MYO9B: variants seen among roughly 807,000 people sequenced by gnomAD.
MYO9B encodes myosin IXB, also known as unconventional myosin-IXb.
A neutral mutation model predicts 229.5 loss-of-function variants in MYO9B; 71 were observed. The observed-to-expected ratio is 0.31, with a 90% CI of 0.26 to 0.38. MYO9B has a LOEUF of 0.38. Among genes scored for constraint, MYO9B ranks in the 10% least tolerant of loss-of-function variants. MYO9B has a pLI of 1.00. For synonymous variants in MYO9B, 1,185 were observed against 1,235.8 expected (o/e 0.96, Z 0.86); for missense variants, 2,255 against 2,920.5 (o/e 0.77, Z 5.25).
chr19:17,120,889 G>GGATTGCAAA (rs1335462175), intron 2 of MYO9B, among the ~76,000 whole-genome samples: 4 of 152,150 alleles, frequency 2.6e-5, no homozygotes, highest in African/African-American at 9.7e-5. Context: ...TGAAGCAGGA[G>GGATTGCAAA]GATTGCAAAG....
intron 18 of MYO9B, 75 bp downstream of exon 18, chr19:17,186,076 G>C: frequency 7.3e-7 from 1 of 1,360,668 alleles, no homozygotes; most frequent in African/African-American, 1.4e-5. Context: ...CCTGCATCCA[G>C]CCCCAGCCTC....
At chr19:17,169,225 A>G (rs1324628452) in intron 11 of MYO9B, among the ~76,000 whole-genome samples, 1 of 151,866 alleles carries the variant, frequency 6.6e-6, no homozygotes, top group Non-Finnish European at 1.5e-5. Flanking sequence ...TACAAAAATT[A>G]GCCGGGCATG....
At chr19:17,152,445 AC>A (rs2072488371) in intron 3 of MYO9B, 198 bp from the exon 4 acceptor site, 1 of 461,966 alleles carries the variant, frequency 2.2e-6, no homozygotes, top group Non-Finnish European at 3.9e-6. Context: ...TGTAGTTCCA[AC>A]CAACCACTGT....
At chr19:17,100,756 T>A (rs10423712) in intron 1 of MYO9B, among the ~76,000 whole-genome samples, 111,647 of 151,678 alleles carry the variant, frequency 0.74, 41,569 homozygotes, top group African/African-American at 0.82. Context: ...TCCCCAGTAG[T>A]CTGGAGTTGT....
chr19:17,124,498 G>C (rs180856866), intron 2 of MYO9B, among the ~76,000 whole-genome samples: 11 of 152,100 alleles, frequency 7.2e-5, no homozygotes, highest in Admixed American at 5.9e-4. Context: ...ACAGCTGGGC[G>C]TGGGGGCTCA....
intron 2 of MYO9B, among the ~76,000 whole-genome samples, chr19:17,103,084 C>T (rs1445250766): frequency 3.3e-5 from 5 of 149,928 alleles, no homozygotes; most frequent in Non-Finnish European, 5.9e-5. Flanking sequence ...TACCGAAGTG[C>T]GGTGGCACAC....
At chr19:17,126,436 C>T (rs2058019900) in intron 2 of MYO9B, among the ~76,000 whole-genome samples, 1 of 152,298 alleles carries the variant, frequency 6.6e-6, no homozygotes, top group Admixed American at 6.5e-5. Context: ...AGAACAGCGG[C>T]CCCTGGCCAC....
chr19:17,141,741 T>C (rs1457481728), intron 2 of MYO9B, among the ~76,000 whole-genome samples: 2 of 152,082 alleles, frequency 1.3e-5, no homozygotes, highest in Non-Finnish European at 2.9e-5. Flanking sequence ...CTGGACAGAG[T>C]GTAGGTGTCC....
intron 2 of MYO9B, chr19:17,103,422 C>G (rs1164013514): frequency 2.0e-5 from 3 of 152,222 alleles, no homozygotes; most frequent in African/African-American, 7.2e-5. Flanking sequence ...CGGGGAGAGG[C>G]AGGAAACTTT....
intron 2 of MYO9B, among the ~76,000 whole-genome samples, chr19:17,132,993 G>A (rs1299289459): frequency 2.0e-5 from 3 of 151,672 alleles, no homozygotes; most frequent in African/African-American, 4.8e-5. Flanking sequence ...AACTACAGGC[G>A]CCGCCACCAC....
At chr19:17,112,532 C>A (rs2057857603) in intron 2 of MYO9B, among the ~76,000 whole-genome samples, 2 of 152,156 alleles carry the variant, frequency 1.3e-5, no homozygotes, top group Non-Finnish European at 2.9e-5. Context: ...CTGGGAGCAA[C>A]CCCAGCCGCG....
Position 17,192,767 on chromosome 19 carries a change from C to A in MYO9B, c.2833C>A (p.Arg945=). The change falls in exon 21 of 40, where the codon CGG becomes AGG. Residue 945 remains arginine, a synonymous_variant. Transcript: ENST00000682292. ...CCAGGTCTTCCTGAAGGAGACGGAG[C>A]GGCAAGCCCTGCAGGAGACGCTGCA... is the stretch of plus-strand genomic sequence containing the variant. ...KTKVFLKETE[R]QALQETLHRE... 6.5e-7 allele frequency: 1 copy of A among 1,549,602 alleles called. No homozygotes were observed. Among genetic ancestry groups the A allele is most frequent in the African/African-American group, 1.4e-5 (1 of 73,334 alleles).
Position 17,172,253 on chromosome 19 carries a change from C to A in MYO9B, c.1794-83C>A. 1 of 1,555,170 alleles carries A rather than the reference C, an allele frequency of 6.4e-7. No individual in the cohort carries two copies. The highest frequency in any genetic ancestry group is 1.2e-5 in the South Asian group (1 of 82,226). The stretch of plus-strand genomic sequence containing the variant: ...ACCCCATGCACCCACCCACCTCGTG[C>A]ACCAGGGGTCTGCAAGATAAAATAC... On this transcript the variant is annotated intron_variant, in intron 11 of 39. Transcript: ENST00000682292. This position sits in a 1 kb window ranked among gnomAD's most constrained non-coding sequence, Gnocchi z 8.2.
In MYO9B at chr19:17,195,314, A is replaced by C; in HGVS notation, c.3887A>C (p.Gln1296Pro). ...EKPDSPGGST[Q>P]IQRYLDAERL... Reference sequence around the variant, plus strand: ...CCCGACAGCCCCGGAGGCTCCACGCAGATCCAGCGGTACCTGGACGCCGAG... The same window carrying C: ...CCCGACAGCCCCGGAGGCTCCACGCCGATCCAGCGGTACCTGGACGCCGAG... The change falls in exon 22 of 40, where the codon CAG becomes CCG. Residue 1296 changes from glutamine (Q) to proline (P), a missense_variant. Coordinates refer to ENST00000682292, the MANE Select transcript of MYO9B (RefSeq NM_004145.4). This position sits in a 1 kb window ranked among gnomAD's most constrained non-coding sequence, Gnocchi z 4.5. 1 of 1,612,546 alleles carries C rather than the reference A, an allele frequency of 6.2e-7. No individual in the cohort carries two copies. The highest frequency in any genetic ancestry group is 8.5e-7 in the Non-Finnish European group (1 of 1,179,734).
chr19:17,170,207 TTTTTAGAAGGACACCATCCA>T (rs1283696743), intron 11 of MYO9B, among the ~76,000 whole-genome samples: 1 of 151,946 alleles, frequency 6.6e-6, no homozygotes, highest in Non-Finnish European at 1.5e-5. Flanking sequence ...CTGTCTTCTG[TTTTTAGAAGGACACCATCCA>T]TATGGAACTA....
At chr19:17,188,084 G>T (rs3826689) in intron 19 of MYO9B, 39 bp downstream of exon 19, 674,763 of 1,511,012 alleles carry the variant, frequency 0.45, 159,606 homozygotes, top group African/African-American at 0.74. Context: ...CACCTGTTCC[G>T]TGGCAAAGGC....
intron 14 of MYO9B, 44 bp from the exon 15 acceptor site, chr19:17,180,883 C>G (rs568624605): frequency 1.4e-6 from 2 of 1,387,124 alleles, no homozygotes; most frequent in East Asian, 4.7e-5. Context: ...GCTTCTAACT[C>G]CATCTTCTTT....
intron 2 of MYO9B, among the ~76,000 whole-genome samples, chr19:17,133,227 G>T (rs1264596936): frequency 6.6e-6 from 1 of 152,128 alleles, no homozygotes; most frequent in Non-Finnish European, 1.5e-5. Context: ...ATTGTGGAAA[G>T]GGTCAATGGA....
At chr19:17,205,392 CA>C in intron 31 of MYO9B, 56 bp downstream of exon 31, 1 of 1,543,850 alleles carries the variant, frequency 6.5e-7, no homozygotes, top group Admixed American at 1.7e-5. Flanking sequence ...CGGCCAGGTG[CA>C]CCAGGAGGTG....
Sources: gnomAD v4.1 joint callset for allele counts (sites outside exome capture counted in the v4.1 genomes callset) on GRCh38, gnomAD v4.1.1 for gene constraint, Gnocchi (gnomAD v3.1) non-coding constraint, MANE v1.5 for transcripts, NCBI Gene and HGNC (gene_info 2026-07-23, HGNC 2026-07-21) for gene names.